Variants in NSG1 observed in about 807,000 individuals in gnomAD.
The protein encoded by NSG1 is neuronal vesicle trafficking-associated protein 1.
In NSG1, 9 loss-of-function variants were observed where a neutral mutation model predicts 19.3. The observed-to-expected ratio is 0.47, with a 90% CI of 0.28 to 0.81. The LOEUF (loss-of-function observed/expected upper bound fraction) is 0.81. Among genes scored for constraint, NSG1 ranks in the 40% least tolerant of loss-of-function variants. The probability of loss-of-function intolerance (pLI) is 0.11; values close to 1 mark genes in which losing one functional copy is unlikely to be tolerated. For synonymous variants in NSG1, 104 were observed against 107.0 expected (o/e 0.97, Z 0.17); for missense variants, 236 against 242.4 (o/e 0.97, Z 0.18).
At chr4:4,405,615 A>G (rs1483661761) in intron 3 of NSG1, among the ~76,000 whole-genome samples, 1 of 152,160 alleles carries the variant, frequency 6.6e-6, no homozygotes, top group African/African-American at 2.4e-5. Context: ...TCCTTAGGCC[A>G]TGGACCCCAT....
At chr4:4,417,096 C>G in intron 4 of NSG1, 139 bp from the exon 5 acceptor site, 1 of 694,400 alleles carries the variant, frequency 1.4e-6, no homozygotes, top group Non-Finnish European at 2.6e-6. Context: ...GGGCAAGATC[C>G]ATGCCCGTTT....
chr4:4,410,843 A>C (rs938690897), intron 4 of NSG1, among the ~76,000 whole-genome samples: 4 of 152,136 alleles, frequency 2.6e-5, no homozygotes, highest in Admixed American at 2.0e-4. Context: ...AGCTCACTGT[A>C]ACCTTTTTAC....
chr4:4,390,623 TG>T (rs768476619), intron 2 of NSG1, among the ~76,000 whole-genome samples: 58 of 152,218 alleles, frequency 3.8e-4, no homozygotes, highest in Middle Eastern at 3.4e-3. Flanking sequence ...GAACCTGGCT[TG>T]GGGAGCGGGG....
Position 4,418,795 on chromosome 4 carries a change from A to G in NSG1, c.*1360A>G, listed in dbSNP as rs1724739757. On this transcript the variant is annotated 3_prime_UTR_variant, in exon 5 of 5. Transcript: ENST00000621129. ...ATTTTCTCATCAAGGGTGTCTGGAG[A>G]CACAGACCGTGACCTTGGCGCAGCG... is the stretch of plus-strand genomic sequence containing the variant. 1 of 152,484 alleles carries G rather than the reference A, an allele frequency of 6.6e-6. No individual in the cohort carries two copies. The highest frequency in any genetic ancestry group is 2.4e-5 in the African/African-American group (1 of 41,428). 9.4% of individuals were successfully genotyped at this position (152,484 alleles called of 1,614,324 possible).
Position 4,418,173 on chromosome 4 carries a change from TG to T in NSG1, c.*741del, listed in dbSNP as rs1724690162. ...GGAGAGGGCTGGGAAGAGACGGCCCTGGGCCCGTGAGGTGCAGAACTCTCCC... is the reference window on the plus strand; with the variant it reads ...GGAGAGGGCTGGGAAGAGACGGCCCTGGCCCGTGAGGTGCAGAACTCTCCC... On this transcript the variant is annotated 3_prime_UTR_variant, in exon 5 of 5. Coordinates refer to ENST00000621129, the MANE Select transcript of NSG1 (RefSeq NM_014392.5). 6.5e-6 allele frequency: 1 copy of T among 152,802 alleles called. No homozygotes were observed. Among genetic ancestry groups the T allele is most frequent in the Non-Finnish European group, 1.5e-5 (1 of 68,528 alleles). The allele number at this position is 152,802 out of a possible 1,614,324, so 9.5% of individuals were successfully genotyped here.
chr4:4,408,497 G>C (rs1046875716), intron 3 of NSG1, among the ~76,000 whole-genome samples: 4 of 152,206 alleles, frequency 2.6e-5, no homozygotes, highest in African/African-American at 9.6e-5. Flanking sequence ...GTCTCGCTCT[G>C]TCACCCAGGC....
At chr4:4,386,820 C>G (rs561485889), upstream of NSG1, 311 of 152,480 alleles carry the variant, frequency 2.0e-3, 3 homozygotes, top group Admixed American at 9.6e-3. Flanking sequence ...TCCGCCGCTC[C>G]GAGACCCCCT....
intron 4 of NSG1, among the ~76,000 whole-genome samples, chr4:4,413,233 A>C (rs965797312): frequency 6.6e-6 from 1 of 152,048 alleles, no homozygotes; most frequent in African/African-American, 2.4e-5. Flanking sequence ...CTATAGACAG[A>C]CAGGAAAGAG....
chr4:4,387,819 G>C, intron 2 of NSG1, 61 bp downstream of exon 2: 1 of 1,454,132 alleles, frequency 6.9e-7, no homozygotes, highest in South Asian at 1.2e-5. Flanking sequence ...CGCACGGCGG[G>C]CGCAACAAAA....
chr4:4,399,883 C>A (rs1247875374), intron 3 of NSG1, among the ~76,000 whole-genome samples: 1 of 152,228 alleles, frequency 6.6e-6, no homozygotes, highest in Admixed American at 6.5e-5. Flanking sequence ...GTTCATGCTC[C>A]TATGAGAATC....
chr4:4,405,502 G>A (rs760729843), intron 3 of NSG1, among the ~76,000 whole-genome samples: 1 of 152,180 alleles, frequency 6.6e-6, no homozygotes, highest in Non-Finnish European at 1.5e-5. Context: ...GCGATGAGAT[G>A]TGGGGCCCAG....
rs1184027147 is a variant in NSG1, at chr4:4,417,521, C to T, written c.*86C>T. 7.7e-6 allele frequency: 10 copies of T among 1,290,540 alleles called. No homozygotes were observed. The highest frequency in any genetic ancestry group is 1.1e-5 in the Non-Finnish European group (10 of 907,394). The allele number at this position is 1,290,540 out of a possible 1,614,324, so 79.9% of individuals were successfully genotyped here. A position where few individuals can be genotyped will look rare whatever the true frequency, so the allele number is the denominator to read the frequency against. On this transcript the variant is annotated 3_prime_UTR_variant, in exon 5 of 5. Transcript: ENST00000621129. Reference sequence around the variant, plus strand: ...ATTTCATTAAATATAATTACTGATACTTTAGAGGTTACTCATTTACGGTGC... The same window carrying T: ...ATTTCATTAAATATAATTACTGATATTTTAGAGGTTACTCATTTACGGTGC...
intron 4 of NSG1, among the ~76,000 whole-genome samples, chr4:4,415,351 G>T (rs1183873882): frequency 6.6e-6 from 1 of 152,158 alleles, no homozygotes; most frequent in Admixed American, 6.5e-5. Context: ...GCCCAGAGAA[G>T]TTGGGGAACC....
chr4:4,418,690 A>G lies in NSG1; in HGVS notation c.*1255A>G, dbSNP rs1724732014. 6.6e-6 allele frequency: 1 copy of G among 152,614 alleles called. No individual in the cohort carries two copies. The highest frequency in any genetic ancestry group is 2.4e-5 in the African/African-American group (1 of 41,430). 9.5% of individuals were successfully genotyped at this position (152,614 alleles called of 1,614,324 possible). ...TCAGAAATAAACGACAAATAGTGTGAGATGTGTTGTGAACAGGCATGGTGA... is the reference window on the plus strand; with the variant it reads ...TCAGAAATAAACGACAAATAGTGTGGGATGTGTTGTGAACAGGCATGGTGA... On this transcript the variant is annotated 3_prime_UTR_variant, in exon 5 of 5. Coordinates refer to ENST00000621129, the MANE Select transcript of NSG1 (RefSeq NM_014392.5).
At chr4:4,412,269 C>T (rs1294541340) in intron 4 of NSG1, among the ~76,000 whole-genome samples, 2 of 151,874 alleles carry the variant, frequency 1.3e-5, no homozygotes, top group African/African-American at 4.8e-5. Context: ...CGCTGGATAC[C>T]TGGCCTGGGT....
chr4:4,408,756 A>G (rs1724000669), intron 3 of NSG1, among the ~76,000 whole-genome samples: 1 of 152,138 alleles, frequency 6.6e-6, no homozygotes, highest in South Asian at 2.1e-4. Flanking sequence ...CACCACGCCC[A>G]GCCCGTTTTG....
chr4:4,409,649 A>T lies in NSG1; in HGVS notation c.323A>T (p.Tyr108Phe), dbSNP rs1235892846. ...VFLVVYKVYK[Y>F]DRACPDGFVL... ...CTGGTTGTCTACAAGGTGTACAAGT[A>T]TGACCGCGCCTGCCCCGATGGGTTC... Residue 108 changes from tyrosine (Y) to phenylalanine (F), a missense_variant, in exon 4 of 5, where the codon TAT becomes TTT. Coordinates refer to ENST00000621129, the MANE Select transcript of NSG1 (RefSeq NM_014392.5). 2 of 1,614,098 alleles carry T rather than the reference A, an allele frequency of 1.2e-6. No homozygotes were observed. The highest frequency in any genetic ancestry group is 2.2e-5 in the South Asian group (2 of 91,086).
intron 3 of NSG1, among the ~76,000 whole-genome samples, chr4:4,398,582 A>G (rs748245344): frequency 2.6e-5 from 4 of 152,164 alleles, no homozygotes; most frequent in Non-Finnish European, 4.4e-5. Flanking sequence ...TTAGCATGCT[A>G]TTTCAAAGCT....
At chr4:4,392,167 C>A (rs377604172) in intron 3 of NSG1, among the ~76,000 whole-genome samples, 47 of 151,328 alleles carry the variant, frequency 3.1e-4, no homozygotes, top group East Asian at 2.0e-3. Flanking sequence ...TCCTTCCCCC[C>A]ATCCCAATGG....
Sources: gnomAD v4.1 joint callset for allele counts (sites outside exome capture counted in the v4.1 genomes callset) on GRCh38, gnomAD v4.1.1 for gene constraint, MANE v1.5 for transcripts, NCBI Gene and HGNC (gene_info 2026-07-23, HGNC 2026-07-21) for gene names.